The following ATAD5 variants were observed in gnomAD, a reference collection of about 807,000 sequenced individuals.
The protein encoded by ATAD5 is ATPase family AAA domain-containing protein 5.
In ATAD5, 58 loss-of-function variants were observed where a neutral mutation model predicts 176.9. The ratio of observed to expected loss-of-function variants is 0.33; its 90% CI spans 0.27 to 0.41. The LOEUF (loss-of-function observed/expected upper bound fraction) is 0.41, where lower values mean the gene tolerates loss of function less well. Ranked by LOEUF, ATAD5 falls within the 10% of genes least tolerant of loss-of-function variation. The pLI is 1.00. For missense variants in ATAD5, 1,789 were observed against 2,094.1 expected (o/e 0.85, Z 2.84); for synonymous variants, 640 against 712.6 (o/e 0.90, Z 1.62).
intron 3 of ATAD5, among the ~76,000 whole-genome samples, chr17:30,838,817 A>G (rs1454885325): frequency 6.6e-6 from 1 of 152,110 alleles, no homozygotes; most frequent in Admixed American, 6.6e-5. Flanking sequence ...CCAAATTGGG[A>G]CCTTTATCCA....
intron 14 of ATAD5, among the ~76,000 whole-genome samples, chr17:30,870,384 CAGTT>C (rs1160153628): frequency 6.6e-6 from 1 of 152,078 alleles, no homozygotes; most frequent in African/African-American, 2.4e-5. Context: ...CTCATGGTGT[CAGTT>C]AGTATAGTCC....
intron 11 of ATAD5, among the ~76,000 whole-genome samples, chr17:30,867,942 T>C (rs1156341020): frequency 6.8e-6 from 1 of 146,078 alleles, no homozygotes; most frequent in Non-Finnish European, 1.5e-5. Flanking sequence ...TATACCAGTT[T>C]CTAAGTGAGT....
rs758609238 is a variant in ATAD5 at position 30,837,289 on chromosome 17, G to A, written c.2051G>A (p.Gly684Glu). 55 of 1,575,886 alleles carry A rather than the reference G, an allele frequency of 3.5e-5. 1 individual carries two copies. The South Asian group carries it at 6.5e-4, about 19-fold the overall frequency. The change falls in exon 3 of 23, where the codon GGA (glycine) becomes GAA (glutamate). Residue 684 changes from glycine to glutamate, a missense_variant. Around this residue, in one of 6 missense-constraint regions of ATAD5, gnomAD observed 487 missense variants for 573.6 expected, o/e 0.85. Coordinates refer to ENST00000321990, the MANE Select transcript of ATAD5 (RefSeq NM_024857.5). ...TCTGAGAAATCTGAAGCAACTGATG[G>A]AGGTTTTACTTCTCAGATTAGAAAG... Reference protein sequence around the residue: ...KRSEKSEATDGGFTSQIRKAS... With the variant: ...KRSEKSEATDEGFTSQIRKAS...
intron 19 of ATAD5, among the ~76,000 whole-genome samples, chr17:30,889,078 T>TC (rs1909481463): frequency 6.9e-6 from 1 of 145,762 alleles, no homozygotes; most frequent in South Asian, 2.2e-4. Flanking sequence ...AAAAAAAAAT[T>TC]AAAAAACACA....
At chr17:30,890,664 G>A (rs1219744112) in intron 19 of ATAD5, among the ~76,000 whole-genome samples, 1 of 150,944 alleles carries the variant, frequency 6.6e-6, no homozygotes, top group Non-Finnish European at 1.5e-5. Flanking sequence ...CTTGTGATCC[G>A]CCTGCCTCAG....
chr17:30,843,639 G>T (rs919563175), intron 4 of ATAD5, among the ~76,000 whole-genome samples: 1 of 147,966 alleles, frequency 6.8e-6, no homozygotes, highest in African/African-American at 2.5e-5. Context: ...GACAGAGAGA[G>T]ACTCCATTTC....
At chr17:30,855,448 G>A in intron 7 of ATAD5, 121 bp downstream of exon 7, 1 of 1,044,538 alleles carries the variant, frequency 9.6e-7, no homozygotes, top group Non-Finnish European at 1.3e-6. Flanking sequence ...GACTTTAGTG[G>A]GAATTTTAAG....
In ATAD5 at chr17:30,832,037, G is replaced by T. The variant is rs1040598437; in HGVS notation, c.-311G>T. On this transcript the variant is annotated 5_prime_UTR_variant, in exon 1 of 23. Transcript: ENST00000321990. ...AGCTCTGTGGTCCGATCTGCGGTCCGCTTGCTTTCCCTGCCCGGTCCCGAG... is the reference window on the plus strand; with the variant it reads ...AGCTCTGTGGTCCGATCTGCGGTCCTCTTGCTTTCCCTGCCCGGTCCCGAG... 5 of 373,464 alleles carry T rather than the reference G, an allele frequency of 1.3e-5. No individual in the cohort carries two copies. The highest frequency in any genetic ancestry group is 4.6e-5 in the Admixed American group (1 of 21,846). The allele number at this position is 373,464 out of a possible 1,614,324, so 23.1% of individuals were successfully genotyped here. A position where few individuals can be genotyped will look rare whatever the true frequency, so the allele number is the denominator to read the frequency against.
Position 30,832,206 on chromosome 17 carries a change from G to T in ATAD5, c.-142G>T, listed in dbSNP as rs986146767. On this transcript the variant is annotated 5_prime_UTR_variant, in exon 1 of 23. Coordinates refer to ENST00000321990, the MANE Select transcript of ATAD5 (RefSeq NM_024857.5). ...CCAGCCTCCGCTCCCGCTCTCTGTCGGTGGGCGCGGGGGAATCCGAAACGG... is the reference window on the plus strand; with the variant it reads ...CCAGCCTCCGCTCCCGCTCTCTGTCTGTGGGCGCGGGGGAATCCGAAACGG... 1 of 536,452 alleles carries T rather than the reference G, an allele frequency of 1.9e-6. No individual in the cohort carries two copies. The highest frequency in any genetic ancestry group is 3.1e-6 in the Non-Finnish European group (1 of 327,864). 33.2% of individuals were successfully genotyped at this position (536,452 alleles called of 1,614,324 possible).
chr17:30,880,918 G>A (rs1908973220), intron 18 of ATAD5, among the ~76,000 whole-genome samples: 2 of 151,714 alleles, frequency 1.3e-5, no homozygotes, highest in Non-Finnish European at 2.9e-5. Context: ...AGAATATAGA[G>A]CATTTCCATT....
intron 14 of ATAD5, among the ~76,000 whole-genome samples, chr17:30,874,887 C>G (rs1209222462): frequency 6.6e-6 from 1 of 151,958 alleles, no homozygotes; most frequent in Non-Finnish European, 1.5e-5. Context: ...CCTTGGCCCC[C>G]CAAAGTGCTG....
chr17:30,858,201 A>G lies in ATAD5; in HGVS notation c.2834A>G (p.Asn945Ser). Residue 945 changes from asparagine (N) to serine (S), a missense_variant, in exon 9 of 23, where the codon AAT (asparagine) becomes AGT (serine). Coordinates refer to ENST00000321990, the MANE Select transcript of ATAD5 (RefSeq NM_024857.5). ...TRKEFTEEVR[N>S]LLLEEIRWSN... Reference sequence around the variant, plus strand: ...AAGGAATTTACTGAAGAAGTAAGAAATCTTTTGCTTGAGGAAATTAGGTGG... The same window carrying G: ...AAGGAATTTACTGAAGAAGTAAGAAGTCTTTTGCTTGAGGAAATTAGGTGG... 3 of 1,588,548 alleles carry G rather than the reference A, an allele frequency of 1.9e-6. No homozygotes were observed. Among genetic ancestry groups the G allele is most frequent in the Non-Finnish European group, 2.6e-6 (3 of 1,168,912 alleles).
At chr17:30,862,022 A>C (rs1907666606) in intron 10 of ATAD5, 1 of 150,266 alleles carries the variant, frequency 6.7e-6, no homozygotes, top group African/African-American at 2.4e-5. Flanking sequence ...ACAATTTTAA[A>C]ATTAAAAAGT....
chr17:30,841,479 T>C (rs1597954796), intron 4 of ATAD5, among the ~76,000 whole-genome samples: 1 of 152,188 alleles, frequency 6.6e-6, no homozygotes, highest in East Asian at 1.9e-4. Flanking sequence ...TCTAATAAAA[T>C]AGTTTGAGAT....
At chr17:30,870,903 G>A (rs1176865831) in intron 14 of ATAD5, among the ~76,000 whole-genome samples, 1 of 151,770 alleles carries the variant, frequency 6.6e-6, no homozygotes, top group Non-Finnish European at 1.5e-5. Flanking sequence ...CTTGTGCTTG[G>A]GATTTGTTGA....
chr17:30,892,290 TA>T (rs1909679778), intron 19 of ATAD5, among the ~76,000 whole-genome samples: 3 of 151,744 alleles, frequency 2.0e-5, no homozygotes, highest in African/African-American at 7.3e-5. Context: ...CCGGGTGTGG[TA>T]GCGCGTGCCT....
rs1242984824 is a variant in ATAD5, at chr17:30,895,037, AT to A, written c.*131del. 15 of 580,366 alleles carry A rather than the reference AT, an allele frequency of 2.6e-5. No homozygotes were observed. The highest frequency in any genetic ancestry group is 4.1e-5 in the Non-Finnish European group (15 of 369,814). 36.0% of individuals were successfully genotyped at this position (580,366 alleles called of 1,614,324 possible). A position where few individuals can be genotyped will look rare whatever the true frequency, so the allele number is the denominator to read the frequency against. On this transcript the variant is annotated 3_prime_UTR_variant, in exon 23 of 23. Coordinates refer to ENST00000321990, the MANE Select transcript of ATAD5 (RefSeq NM_024857.5). ...TACATTTTAAACAAACAATTTGTAT[AT>A]TTTTTTATTGGCGGGTAAATATTTA...
chr17:30,869,953 T>TAA, intron 14 of ATAD5: 10 of 197,450 alleles, frequency 5.1e-5, no homozygotes, highest in South Asian at 1.6e-4. Flanking sequence ...CTACAAATAA[T>TAA]AAAAAAAAAA....
At chr17:30,836,104 G>T in intron 2 of ATAD5, 56 bp downstream of exon 2, 3 of 1,399,046 alleles carry the variant, frequency 2.1e-6, no homozygotes, top group Non-Finnish European at 2.9e-6. Flanking sequence ...ATTAGCTGGG[G>T]ACAAAAATGC....
Sources: gnomAD v4.1 joint callset for allele counts (sites outside exome capture counted in the v4.1 genomes callset) on GRCh38, gnomAD v4.1.1 for gene constraint, gnomAD v4.1.1 regional missense constraint, MANE v1.5 for transcripts, NCBI Gene and HGNC (gene_info 2026-07-23, HGNC 2026-07-21) for gene names.